The following MYT1L variants were observed in gnomAD, a reference collection of about 807,000 sequenced individuals.
MYT1L encodes myelin transcription factor 1 like.
MYT1L carries 12 observed loss-of-function variants against 126.7 expected under a neutral mutation model. The ratio of observed to expected loss-of-function variants is 0.09; its 90% CI spans 0.06 to 0.15. MYT1L has a LOEUF of 0.15. Among genes scored for constraint, MYT1L ranks in the 10% least tolerant of loss-of-function variants. MYT1L has a pLI of 1.00. For missense variants in MYT1L, 979 were observed against 1,585.2 expected (o/e 0.62, Z 6.49); for synonymous variants, 541 against 604.2 (o/e 0.90, Z 1.53).
chr2:2,297,847 C>T (rs1294779443), intron 1 of MYT1L, among the ~76,000 whole-genome samples: 1 of 152,216 alleles, frequency 6.6e-6, no homozygotes, highest in Non-Finnish European at 1.5e-5. Context: ...CAAAACCACT[C>T]TGCTCTCTCC....
Position 1,848,292 on chromosome 2 carries a change from G to A in MYT1L, c.2774+3349C>T, listed in dbSNP as rs1482016381. 2.0e-5 allele frequency among the ~76,000 whole-genome samples: 1 copy of A among 50,708 alleles called. No homozygotes were observed. The highest frequency in any genetic ancestry group is 3.6e-5 in the Non-Finnish European group (1 of 27,632). 33.3% of individuals were successfully genotyped at this position (50,708 alleles called of 152,430 possible). On this transcript the variant is annotated intron_variant, in intron 19 of 24. Coordinates refer to ENST00000647738, the MANE Select transcript of MYT1L (RefSeq NM_001303052.2). This position sits in a 1 kb window ranked among gnomAD's most constrained non-coding sequence, Gnocchi z 4.8. Reference sequence around the variant, plus strand: ...AGAATTCTACAGACACCACGGAAGCGCGAGGCATTTGTCCTGGGAGCAGGA... The same window carrying A: ...AGAATTCTACAGACACCACGGAAGCACGAGGCATTTGTCCTGGGAGCAGGA...
In MYT1L at chr2:1,946,379, A is replaced by G. The variant is rs572880990; in HGVS notation, c.153-3045T>C. On this transcript the variant is annotated intron_variant, in intron 8 of 24. Coordinates refer to ENST00000647738, the MANE Select transcript of MYT1L (RefSeq NM_001303052.2). ...TTGAATTACATCCTCTCCACCCCCA[A>G]ACCATGGAAAAGCTGTCTTCCATGA... 5.9e-5 allele frequency among the ~76,000 whole-genome samples: 9 copies of G among 152,162 alleles called. 1 individual carries two copies. The East Asian group carries it at 1.4e-3, about 23-fold the overall frequency.
At chr2:1,822,897 C>T (rs1199454631) in intron 21 of MYT1L, among the ~76,000 whole-genome samples, 2 of 152,130 alleles carry the variant, frequency 1.3e-5, no homozygotes, top group African/African-American at 4.8e-5. Flanking sequence ...GAGTGTAATC[C>T]TAGCAGAAGG....
At chr2:2,201,438 G>C (rs948495984) in intron 2 of MYT1L, among the ~76,000 whole-genome samples, 1 of 152,154 alleles carries the variant, frequency 6.6e-6, no homozygotes, top group Non-Finnish European at 1.5e-5. Flanking sequence ...GGTGGCTCAT[G>C]CTTGTAATCT....
At chr2:1,842,895 A>G (rs537703609) in intron 19 of MYT1L, 19 of 165,462 alleles carry the variant, frequency 1.1e-4, no homozygotes, top group South Asian at 1.1e-3. Flanking sequence ...TTCCGCTTCC[A>G]GGCGCTTCCG....
At chr2:1,878,668 G>A (rs1209998280) in intron 18 of MYT1L, among the ~76,000 whole-genome samples, 1 of 152,148 alleles carries the variant, frequency 6.6e-6, no homozygotes, top group Non-Finnish European at 1.5e-5. Context: ...CTTTCATGTG[G>A]GACAGCACAG....
At chr2:1,959,813 T>C (rs1468573631) in intron 8 of MYT1L, among the ~76,000 whole-genome samples, 3 of 152,194 alleles carry the variant, frequency 2.0e-5, no homozygotes, top group African/African-American at 7.2e-5. Flanking sequence ...TGCAGCCACA[T>C]ACGGTGTGGA....
chr2:2,187,356 A>G (rs1321577190), intron 2 of MYT1L, among the ~76,000 whole-genome samples: 2 of 152,010 alleles, frequency 1.3e-5, no homozygotes, highest in Non-Finnish European at 2.9e-5. Flanking sequence ...GAGAGCGAGA[A>G]CCCACAATCA....
chr2:2,245,849 G>A (rs2094524611), intron 2 of MYT1L, among the ~76,000 whole-genome samples: 1 of 152,194 alleles, frequency 6.6e-6, no homozygotes, highest in Non-Finnish European at 1.5e-5. Context: ...ATTTGGAGAT[G>A]CTAGGCTGCT....
intron 4 of MYT1L, among the ~76,000 whole-genome samples, chr2:2,041,501 C>T (rs958940151): frequency 7.2e-5 from 11 of 152,308 alleles, no homozygotes; most frequent in African/African-American, 2.2e-4. Context: ...ATTTACTTTT[C>T]GTTTTACAAA....
intron 1 of MYT1L, among the ~76,000 whole-genome samples, chr2:2,292,195 G>A (rs148814638): frequency 4.2e-4 from 64 of 152,298 alleles, no homozygotes; most frequent in African/African-American, 1.5e-3. Flanking sequence ...ACTGGGGGCG[G>A]GCGCAGGGGC....
Position 1,791,913 on chromosome 2 carries a change from G to C in MYT1L, c.3515C>G (p.Ala1172Gly). ...QDRYQSPENKALLENIKQAVR... is the reference protein window; with the variant it reads ...QDRYQSPENKGLLENIKQAVR... The stretch of plus-strand genomic sequence containing the variant: ...AGCCTGCTTTATATTTTCCAGTAGG[G>C]CTTTATTTTCTGGACTCTGATAACG... The change falls in exon 25 of 25, where the codon GCC becomes GGC. Residue 1172 changes from alanine to glycine, a missense_variant. Ala to Gly is a moderately conservative substitution (Grantham distance 60, BLOSUM62 0). Transcript: ENST00000647738. This position sits in a 1 kb window ranked among gnomAD's most constrained non-coding sequence, Gnocchi z 6.0. 1 of 1,610,908 alleles carries C rather than the reference G, an allele frequency of 6.2e-7. No homozygotes were observed.
At chr2:1,814,501 A>T (rs1332375026) in intron 21 of MYT1L, among the ~76,000 whole-genome samples, 1 of 152,212 alleles carries the variant, frequency 6.6e-6, no homozygotes, top group East Asian at 1.9e-4. Flanking sequence ...GGTGTCCAGG[A>T]GCCTTTGCAG....
chr2:1,954,284 G>A (rs577928067), intron 8 of MYT1L, among the ~76,000 whole-genome samples: 1 of 152,294 alleles, frequency 6.6e-6, no homozygotes. Context: ...CACTGCTGCT[G>A]GCACTCACTG....
At chr2:1,819,069 C>T (rs1018397442) in intron 21 of MYT1L, among the ~76,000 whole-genome samples, 2 of 152,136 alleles carry the variant, frequency 1.3e-5, no homozygotes, top group African/African-American at 2.4e-5. Flanking sequence ...ACAAAGGTCC[C>T]TCTCAAAGCC....
chr2:2,308,922 C>A (rs778402693), intron 1 of MYT1L, among the ~76,000 whole-genome samples: 15 of 150,812 alleles, frequency 9.9e-5, no homozygotes, highest in Non-Finnish European at 1.9e-4. Context: ...CTACCTGCAC[C>A]CCACCTATAC....
chr2:2,278,919 T>C (rs996744510), intron 2 of MYT1L, among the ~76,000 whole-genome samples: 1 of 152,038 alleles, frequency 6.6e-6, no homozygotes, highest in African/African-American at 2.4e-5. Context: ...AAGGCCCCTC[T>C]CTTTCTCTTG....
Position 2,322,254 on chromosome 2 carries a change from C to T in MYT1L, c.-521+8713G>A, listed in dbSNP as rs147458305. Among the ~76,000 whole-genome samples, 41 of 151,598 alleles carry T rather than the reference C, an allele frequency of 2.7e-4. No individual in the cohort carries two copies. The South Asian group carries it at 2.9e-3, about 11-fold the overall frequency. The stretch of plus-strand genomic sequence containing the variant: ...AGAGCAGGCCCACTGAGACAGCAGA[C>T]GCCCCACACTGTCCAATGTTGCCTA... On this transcript the variant is annotated intron_variant, in intron 1 of 24. Transcript: ENST00000647738.
At chr2:2,257,822 G>A (rs2094860820) in intron 2 of MYT1L, among the ~76,000 whole-genome samples, 1 of 150,004 alleles carries the variant, frequency 6.7e-6, no homozygotes, top group South Asian at 2.1e-4. Context: ...ACTGCCCAAG[G>A]TAATCTACAG....
Sources: allele counts gnomAD v4.1 joint callset (sites outside exome capture counted in the v4.1 genomes callset), GRCh38; gene constraint gnomAD v4.1.1; non-coding constraint Gnocchi (gnomAD v3.1); transcripts MANE v1.5; gene names NCBI Gene and HGNC (gene_info 2026-07-23, HGNC 2026-07-21).